The following ACOXL variants were observed in gnomAD, a reference collection of about 807,000 sequenced individuals.
ACOXL encodes the protein acyl-CoA oxidase like.
Under a neutral mutation model 71.9 loss-of-function variants are expected in ACOXL, and 70 were observed. That is an observed-to-expected ratio of 0.97 (90% CI 0.80 to 1.19). The LOEUF is 1.19. Among genes scored for constraint, ACOXL ranks in the 50% most tolerant of loss-of-function variants. The pLI is 0.00. For missense variants in ACOXL, 703 were observed against 736.3 expected, an observed-to-expected ratio of 0.95 and a Z score of 0.52; for synonymous variants, 253 against 281.6, an observed-to-expected ratio of 0.90 and a Z score of 1.02.
chr2:110,863,346 C>T (rs945033908), intron 10 of ACOXL, among the ~76,000 whole-genome samples: 5 of 152,118 alleles, frequency 3.3e-5, no homozygotes, highest in South Asian at 2.1e-4. Context: ...CATCAGGTTG[C>T]GTGTGCAATA....
intron 2 of ACOXL, among the ~76,000 whole-genome samples, chr2:110,776,586 C>G (rs1197740026): frequency 6.6e-6 from 1 of 151,930 alleles, no homozygotes; most frequent in South Asian, 2.1e-4. Context: ...GCAGAGGGAA[C>G]AGCAGTCATG....
intron 16 of ACOXL, among the ~76,000 whole-genome samples, chr2:111,076,960 T>G (rs1016547142): frequency 2.6e-5 from 4 of 152,196 alleles, no homozygotes; most frequent in African/African-American, 9.7e-5. Context: ...AATCTCTCTC[T>G]TATAAAGATG....
intron 10 of ACOXL, among the ~76,000 whole-genome samples, chr2:110,889,625 G>C (rs1697711632): frequency 6.6e-6 from 1 of 152,050 alleles, no homozygotes; most frequent in Non-Finnish European, 1.5e-5. Flanking sequence ...TCATTCACTT[G>C]GCCTACAGTT....
intron 14 of ACOXL, among the ~76,000 whole-genome samples, chr2:110,998,098 T>C (rs1026870363): frequency 6.6e-6 from 1 of 151,952 alleles, no homozygotes; most frequent in African/African-American, 2.4e-5. Flanking sequence ...GAAAAAAACA[T>C]GATTTTTTAA....
At chr2:110,843,022 T>A (rs1280664980) in intron 10 of ACOXL, among the ~76,000 whole-genome samples, 1 of 152,114 alleles carries the variant, frequency 6.6e-6, no homozygotes, top group Non-Finnish European at 1.5e-5. Context: ...GGAAGAAGCA[T>A]GGTGCGCACA....
At chr2:111,076,901 C>T (rs2149954672) in intron 16 of ACOXL, among the ~76,000 whole-genome samples, 1 of 152,224 alleles carries the variant, frequency 6.6e-6, no homozygotes, top group African/African-American at 2.4e-5. Context: ...CCAACTCGTT[C>T]CAGTCTCTCT....
At chr2:110,923,442 C>A (rs185297477) in intron 11 of ACOXL, among the ~76,000 whole-genome samples, 92 of 152,134 alleles carry the variant, frequency 6.0e-4, no homozygotes, top group Non-Finnish European at 9.7e-4. Context: ...GGAGGTTTGA[C>A]TGGTTAGATG....
intron 10 of ACOXL, among the ~76,000 whole-genome samples, chr2:110,847,434 G>A (rs571921524): frequency 3.2e-4 from 49 of 152,266 alleles, no homozygotes; most frequent in African/African-American, 1.0e-3. Flanking sequence ...AGAAGAGCTC[G>A]TGAAAGTGGA....
At chr2:110,979,969 A>G (rs1018589067) in intron 12 of ACOXL, among the ~76,000 whole-genome samples, 2 of 152,176 alleles carry the variant, frequency 1.3e-5, no homozygotes, top group Non-Finnish European at 2.9e-5. Context: ...GGGTGTGTCT[A>G]ACAAAACCCG....
intron 9 of ACOXL, among the ~76,000 whole-genome samples, chr2:110,825,987 G>C (rs1012963939): frequency 6.6e-6 from 1 of 152,216 alleles, no homozygotes; most frequent in African/African-American, 2.4e-5. Flanking sequence ...GATTGCACCA[G>C]AGTGATCAGC....
Position 111,103,465 on chromosome 2 carries a change from A to G in ACOXL, c.1542+10499A>G, listed in dbSNP as rs190774194. On this transcript the variant is annotated intron_variant, in intron 17 of 17. Coordinates refer to ENST00000439055, the MANE Select transcript of ACOXL (RefSeq NM_001142807.4). Reference sequence around the variant, plus strand: ...CTTTCCTGGACAGCTAGTCATTCACATCACAGATTGTGGCCTTGAACCGCT... The same window carrying G: ...CTTTCCTGGACAGCTAGTCATTCACGTCACAGATTGTGGCCTTGAACCGCT... Among the ~76,000 whole-genome samples, 5 of 152,298 alleles carry G rather than the reference A, an allele frequency of 3.3e-5. No homozygotes were observed. In the East Asian group the frequency reaches 9.6e-4, roughly 29 times the overall value.
rs199714083 is a variant in ACOXL, at chr2:111,075,276, TG to T, written c.1441-17588del. Among the ~76,000 whole-genome samples the T allele has an allele frequency of 8.5e-3, 1,299 of 152,294 alleles. 11 individuals are homozygous for T. The highest frequency in any genetic ancestry group is 0.029 in the African/African-American group (1,202 of 41,566). ...TGAATTACATTTTCTTAAACTTTAATGAGATGATTCTTGTTATGTATTTCAT... is the reference window on the plus strand; with the variant it reads ...TGAATTACATTTTCTTAAACTTTAATAGATGATTCTTGTTATGTATTTCAT... On this transcript the variant is annotated intron_variant, in intron 16 of 17. Coordinates refer to ENST00000439055, the MANE Select transcript of ACOXL (RefSeq NM_001142807.4).
chr2:110,957,264 A>T (rs2061534839), intron 12 of ACOXL, among the ~76,000 whole-genome samples: 2 of 152,034 alleles, frequency 1.3e-5, no homozygotes, highest in Non-Finnish European at 2.9e-5. Context: ...TTGTAATGAA[A>T]ACCTAAGGTG....
At chr2:110,914,335 A>G (rs980171927) in intron 11 of ACOXL, among the ~76,000 whole-genome samples, 4 of 152,334 alleles carry the variant, frequency 2.6e-5, no homozygotes, top group African/African-American at 9.6e-5. Flanking sequence ...GCAGTATTGC[A>G]TCTTTCAGAT....
At chr2:110,780,198 T>C (rs1372051355) in intron 2 of ACOXL, among the ~76,000 whole-genome samples, 1 of 152,234 alleles carries the variant, frequency 6.6e-6, no homozygotes, top group Non-Finnish European at 1.5e-5. Flanking sequence ...ATTAAGCATA[T>C]GCAAATGTGC....
At chr2:110,798,989 A>G (rs1685614111) in intron 6 of ACOXL, 25 bp from the exon 7 acceptor site, 1 of 1,608,468 alleles carries the variant, frequency 6.2e-7, no homozygotes, top group Non-Finnish European at 8.5e-7. Flanking sequence ...GGAGAGCTTA[A>G]TAATGATCTC....
intron 9 of ACOXL, among the ~76,000 whole-genome samples, chr2:110,838,111 G>A (rs1477937480): frequency 2.3e-4 from 35 of 152,226 alleles, no homozygotes; most frequent in Non-Finnish European, 5.9e-5. Context: ...ACCTATATAT[G>A]AGTGTGCATG....
At chr2:110,836,131 G>A (rs1690433446) in intron 9 of ACOXL, among the ~76,000 whole-genome samples, 1 of 152,214 alleles carries the variant, frequency 6.6e-6, no homozygotes. Context: ...GGGTGTGATA[G>A]GGTTTGAGAG....
chr2:110,755,523 T>C (rs1310426743), intron 1 of ACOXL, among the ~76,000 whole-genome samples: 1 of 152,230 alleles, frequency 6.6e-6, no homozygotes, highest in Admixed American at 6.5e-5. Context: ...AGGATGTTTC[T>C]AAAATCCTGA....
Sources: gnomAD v4.1 joint callset for allele counts (sites outside exome capture counted in the v4.1 genomes callset) on GRCh38, gnomAD v4.1.1 for gene constraint, MANE v1.5 for transcripts, NCBI Gene and HGNC (gene_info 2026-07-23, HGNC 2026-07-21) for gene names.